The following BTBD3 variants were observed in gnomAD, a reference collection of about 807,000 sequenced individuals.
BTBD3 encodes the protein BTB/POZ domain-containing protein 3.
In BTBD3, 14 loss-of-function variants were observed where a neutral mutation model predicts 41.6. That is an observed-to-expected ratio of 0.34 (90% confidence interval 0.22 to 0.53). The LOEUF is 0.53. Among genes scored for constraint, BTBD3 ranks in the 20% least tolerant of loss-of-function variants. The pLI is 0.95. For synonymous variants in BTBD3, 249 were observed against 233.7 expected (o/e 1.07, Z -0.60); for missense variants, 426 against 654.7 (o/e 0.65, Z 3.81).
At chr20:11,910,604 A>C (rs2056883561) in intron 1 of BTBD3, 1 of 152,232 alleles carries the variant, frequency 6.6e-6, no homozygotes, top group Non-Finnish European at 1.5e-5. Context: ...ATTTGTTTGA[A>C]AGTAAGCAAT....
intron 2 of BTBD3, 44 bp downstream of exon 2, chr20:11,919,220 A>G (rs532966176): frequency 6.4e-7 from 1 of 1,557,522 alleles, no homozygotes; most frequent in African/African-American, 1.4e-5. Flanking sequence ...ACGTTTACAA[A>G]GAGGGACCCT....
intron 1 of BTBD3, among the ~76,000 whole-genome samples, chr20:11,899,026 A>G (rs2056807910): frequency 6.6e-6 from 1 of 152,182 alleles, no homozygotes; most frequent in Non-Finnish European, 1.5e-5. Flanking sequence ...TTCCCTGGTA[A>G]ATATCAGTGA....
chr20:11,915,225 G>A (rs926146306), upstream of BTBD3, among the ~76,000 whole-genome samples: 3 of 152,018 alleles, frequency 2.0e-5, no homozygotes, highest in African/African-American at 4.8e-5. Context: ...AAATAATTGG[G>A]GCTGGCGCTT....
At chr20:11,919,588 T>C (rs2056948170) in intron 2 of BTBD3, 130 bp from the exon 3 acceptor site, 2 of 1,189,908 alleles carry the variant, frequency 1.7e-6, no homozygotes, top group Non-Finnish European at 2.4e-6. Flanking sequence ...GTACCTTGGC[T>C]TTTTCAAAGC....
chr20:11,899,871 C>A (rs989636335), intron 1 of BTBD3, among the ~76,000 whole-genome samples: 12 of 152,134 alleles, frequency 7.9e-5, no homozygotes, highest in African/African-American at 2.9e-4. Flanking sequence ...ATGGTTTATG[C>A]AACTGAAGAA....
intron 1 of BTBD3, among the ~76,000 whole-genome samples, chr20:11,903,689 C>T (rs2122211353): frequency 6.6e-6 from 1 of 152,194 alleles, no homozygotes; most frequent in Admixed American, 6.5e-5. Flanking sequence ...TCACTGCAAC[C>T]TCCACCTCCC....
Position 11,905,376 on chromosome 20 carries a change from A to G in BTBD3, c.-125-12958A>G, listed in dbSNP as rs536106118. 1.3e-5 allele frequency among the ~76,000 whole-genome samples: 2 copies of G among 152,266 alleles called. 1 individual carries two copies. The highest frequency in any genetic ancestry group is 4.8e-5 in the African/African-American group (2 of 41,526). ...GAAACCATTCTATTTCAATTTGACCAGAAATGCTTTGTGCATACTTCCCAA... is the reference window on the plus strand; with the variant it reads ...GAAACCATTCTATTTCAATTTGACCGGAAATGCTTTGTGCATACTTCCCAA... On this transcript the variant is annotated intron_variant, in intron 1 of 4. Transcript: ENST00000254977.
chr20:11,892,311 C>T (rs571961275), intron 1 of BTBD3, among the ~76,000 whole-genome samples: 1 of 152,234 alleles, frequency 6.6e-6, no homozygotes, highest in East Asian at 1.9e-4. Context: ...TTCTTTTAAC[C>T]CTACCTCAGT....
intron 1 of BTBD3, among the ~76,000 whole-genome samples, chr20:11,895,898 C>T (rs953575619): frequency 6.6e-6 from 1 of 152,190 alleles, no homozygotes; most frequent in African/African-American, 2.4e-5. Flanking sequence ...AGACAGTTGC[C>T]ACTTGTCCAT....
upstream of BTBD3, among the ~76,000 whole-genome samples, chr20:11,913,975 C>T (rs1023383464): frequency 2.6e-5 from 4 of 152,200 alleles, no homozygotes; most frequent in Non-Finnish European, 4.4e-5. Flanking sequence ...TGCTCACCGC[C>T]GTATGCCCAA....
chr20:11,894,062 C>T (rs149724769), intron 1 of BTBD3, among the ~76,000 whole-genome samples: 508 of 152,294 alleles, frequency 3.3e-3, no homozygotes, highest in African/African-American at 0.011. Flanking sequence ...GGTTGCCAAT[C>T]CTAGCACGGC....
intron 3 of BTBD3, among the ~76,000 whole-genome samples, chr20:11,920,268 G>A (rs1490881687): frequency 6.6e-6 from 1 of 152,158 alleles, no homozygotes; most frequent in Non-Finnish European, 1.5e-5. Flanking sequence ...TATTCTAAGA[G>A]TTATTGTCTC....
At chr20:11,895,248 A>C (rs924343107) in intron 1 of BTBD3, among the ~76,000 whole-genome samples, 6 of 152,228 alleles carry the variant, frequency 3.9e-5, no homozygotes, top group Non-Finnish European at 7.3e-5. Context: ...TAGATTTAGA[A>C]TATTTAGAAA....
At chr20:11,899,318 G>A (rs1440737336) in intron 1 of BTBD3, among the ~76,000 whole-genome samples, 4 of 152,098 alleles carry the variant, frequency 2.6e-5, no homozygotes, top group African/African-American at 7.2e-5. Context: ...ACAAGAGAAT[G>A]TTGTAGTCAT....
rs752475790 is a variant in BTBD3, at chr20:11,919,792, C to T, written c.492C>T (p.Ile164=). ...AACTTGCAGAGGACAAAGATGAAATCCGTATACCAGATGTCGAACCTGCTG... is the reference window on the plus strand; with the variant it reads ...AACTTGCAGAGGACAAAGATGAAATTCGTATACCAGATGTCGAACCTGCTG... ...YGELAEDKDE[I]RIPDVEPAAF... is the part of the protein sequence containing the mutation. The change falls in exon 3 of 4, where the codon ATC becomes ATT. Residue 164 remains isoleucine, a synonymous_variant. Transcript: ENST00000378226. 2.5e-6 allele frequency: 4 copies of T among 1,614,022 alleles called. No homozygotes were observed. Among genetic ancestry groups the T allele is most frequent in the Non-Finnish European group, 2.5e-6 (3 of 1,180,018 alleles).
chr20:11,898,247 G>A (rs1228391863), intron 1 of BTBD3, among the ~76,000 whole-genome samples: 5 of 152,010 alleles, frequency 3.3e-5, no homozygotes, highest in Admixed American at 6.6e-5. Flanking sequence ...TCTCCCACTC[G>A]GCACTTTCCA....
At chr20:11,919,019 G>T in intron 1 of BTBD3, 67 bp from the exon 2 acceptor site, 3 of 1,208,686 alleles carry the variant, frequency 2.5e-6, no homozygotes, top group Middle Eastern at 1.9e-4. Context: ...TGTGGGTTTT[G>T]TATGTTGGGG....
chr20:11,900,009 G>A (rs1334330261), intron 1 of BTBD3, among the ~76,000 whole-genome samples: 1 of 152,136 alleles, frequency 6.6e-6, no homozygotes, highest in African/African-American at 2.4e-5. Flanking sequence ...AATATACCTA[G>A]CTCCTTGTGT....
Position 11,917,975 on chromosome 20 carries a change from C to T in BTBD3, c.-301C>T. ...CTAATTCAGAAAAGAAGTGCTACAG[C>T]TCTGTGCCTGTCATCTTTGCAGTGT... On this transcript the variant is annotated 5_prime_UTR_variant, in exon 1 of 4. Coordinates refer to ENST00000378226, the MANE Select transcript of BTBD3 (RefSeq NM_014962.4). The T allele has an allele frequency of 9.1e-7, 1 of 1,100,152 alleles. No homozygotes were observed. 68.1% of individuals were successfully genotyped at this position (1,100,152 alleles called of 1,614,324 possible). A position where few individuals can be genotyped will look rare whatever the true frequency, so the allele number is the denominator to read the frequency against.
Sources: allele counts gnomAD v4.1 joint callset (sites outside exome capture counted in the v4.1 genomes callset), GRCh38; gene constraint gnomAD v4.1.1; transcripts MANE v1.5; gene names NCBI Gene and HGNC (gene_info 2026-07-23, HGNC 2026-07-21).